Variants in ST13 observed in about 807,000 individuals in gnomAD.
The protein encoded by ST13 is hsc70-interacting protein.
A neutral mutation model predicts 56.7 loss-of-function variants in ST13; 23 were observed. The observed-to-expected ratio is 0.41, with a 90% confidence interval of 0.29 to 0.57. The LOEUF (loss-of-function observed/expected upper bound fraction) is 0.57, where lower values mean the gene tolerates loss of function less well. Among genes scored for constraint, ST13 ranks in the 20% least tolerant of loss-of-function variants. The pLI is 0.36. For missense variants in ST13, 369 were observed against 459.9 expected, an observed-to-expected ratio of 0.80 and a Z score of 1.81; for synonymous variants, 132 against 142.4, an observed-to-expected ratio of 0.93 and a Z score of 0.52.
At chr22:40,831,316 T>C (rs887910268) in intron 8 of ST13, among the ~76,000 whole-genome samples, 16 of 152,102 alleles carry the variant, frequency 1.1e-4, no homozygotes, top group Admixed American at 8.5e-4. Flanking sequence ...GTAGGAAGAG[T>C]ATTATTACGG....
chr22:40,851,646 A>C (rs1407141562), intron 1 of ST13, among the ~76,000 whole-genome samples: 1 of 152,230 alleles, frequency 6.6e-6, no homozygotes, highest in East Asian at 1.9e-4. Context: ...CAACAGTTGG[A>C]AGCAACGTAG....
At chr22:40,853,260 A>G (rs758800882) in intron 1 of ST13, among the ~76,000 whole-genome samples, 11 of 152,162 alleles carry the variant, frequency 7.2e-5, no homozygotes, top group Non-Finnish European at 1.0e-4. Flanking sequence ...GTTGGGGTAT[A>G]ATGTTGGCAG....
At chr22:40,838,891 G>A (rs920226333) in intron 5 of ST13, among the ~76,000 whole-genome samples, 1 of 145,090 alleles carries the variant, frequency 6.9e-6, no homozygotes, top group Admixed American at 7.2e-5. Context: ...AAGCTTTCCA[G>A]AGAAACAGTA....
intron 5 of ST13, among the ~76,000 whole-genome samples, chr22:40,836,168 T>A (rs1323562382): frequency 6.7e-6 from 1 of 148,530 alleles, no homozygotes; most frequent in Non-Finnish European, 1.5e-5. Flanking sequence ...AAGGAAAAAG[T>A]AGACGGGCAC....
chr22:40,843,866 T>C (rs935478640), intron 4 of ST13, among the ~76,000 whole-genome samples: 48 of 150,134 alleles, frequency 3.2e-4, no homozygotes, highest in Admixed American at 2.3e-3. Context: ...TCAGCCTCAT[T>C]AGGAATCAGG....
chr22:40,825,796 G>A lies in ST13; in HGVS notation c.*742C>T, dbSNP rs916837542. The A allele has an allele frequency of 2.0e-5, 3 of 152,148 alleles. No individual in the cohort carries two copies. The highest frequency in any genetic ancestry group is 7.3e-5 in the African/African-American group (3 of 41,370). The allele number at this position is 152,148 out of a possible 1,614,324, so 9.4% of individuals were successfully genotyped here. On this transcript the variant is annotated 3_prime_UTR_variant, in exon 12 of 12. Transcript: ENST00000216218. ...AAAAGTACTACCTTATTTCCCTTACGTGGAAATAATATGAAAAACACTTAT... is the reference window on the plus strand; with the variant it reads ...AAAAGTACTACCTTATTTCCCTTACATGGAAATAATATGAAAAACACTTAT...
At chr22:40,841,977 C>T (rs1035019428) in intron 4 of ST13, among the ~76,000 whole-genome samples, 29 of 152,296 alleles carry the variant, frequency 1.9e-4, no homozygotes, top group African/African-American at 6.7e-4. Context: ...TAACCAGACA[C>T]CTTCCAAAAT....
At chr22:40,827,829 T>TA (rs1156822885) in intron 10 of ST13, among the ~76,000 whole-genome samples, 1 of 152,088 alleles carries the variant, frequency 6.6e-6, no homozygotes, top group African/African-American at 2.4e-5. Context: ...ATAACACTGT[T>TA]AAAAAAGACT....
chr22:40,844,946 C>A, intron 3 of ST13, 37 bp from the exon 4 acceptor site: 1 of 1,494,710 alleles, frequency 6.7e-7, no homozygotes, highest in East Asian at 2.3e-5. Context: ...AGACCTGCAC[C>A]GTACAATATA....
chr22:40,837,738 C>T (rs1301198161), intron 5 of ST13, among the ~76,000 whole-genome samples: 1 of 152,124 alleles, frequency 6.6e-6, no homozygotes, highest in Non-Finnish European at 1.5e-5. Flanking sequence ...CTCAAAGGAT[C>T]CTCCCAGCCT....
At chr22:40,840,242 T>A (rs1213234783) in intron 5 of ST13, among the ~76,000 whole-genome samples, 1 of 152,142 alleles carries the variant, frequency 6.6e-6, no homozygotes, top group East Asian at 1.9e-4. Flanking sequence ...GAATCTAACA[T>A]GCTCTGACTA....
intron 4 of ST13, among the ~76,000 whole-genome samples, chr22:40,842,937 TCTA>T (rs1410409479): frequency 6.6e-6 from 1 of 152,132 alleles, no homozygotes; most frequent in Non-Finnish European, 1.5e-5. Context: ...AGATTTTGTC[TCTA>T]CTAAGAATTT....
intron 4 of ST13, among the ~76,000 whole-genome samples, chr22:40,842,057 T>G (rs1324344004): frequency 2.0e-5 from 3 of 152,026 alleles, no homozygotes; most frequent in Non-Finnish European, 2.9e-5. Context: ...AAACGGACAG[T>G]TGAGTAGTGA....
At chr22:40,848,985 C>T (rs927216425) in intron 2 of ST13, among the ~76,000 whole-genome samples, 2 of 152,166 alleles carry the variant, frequency 1.3e-5, no homozygotes, top group Non-Finnish European at 1.5e-5. Flanking sequence ...TCTTCCCATC[C>T]TATAAATAAC....
chr22:40,834,149 C>T lies in ST13; in HGVS notation c.578+1411G>A, dbSNP rs560841749. ...AACATTAGCTGGGCATGGTGGGGCG[C>T]GACTGTAAGTAATCCCAGCTACTCA... On this transcript the variant is annotated intron_variant, in intron 7 of 11. Coordinates refer to ENST00000216218, the MANE Select transcript of ST13 (RefSeq NM_003932.5). Among the ~76,000 whole-genome samples, 67 of 151,908 alleles carry T rather than the reference C, an allele frequency of 4.4e-4. No individual in the cohort carries two copies. The South Asian group carries it at 0.014, about 31-fold the overall frequency.
chr22:40,849,105 C>T (rs1204039792), intron 2 of ST13, among the ~76,000 whole-genome samples: 1 of 152,124 alleles, frequency 6.6e-6, no homozygotes, highest in Non-Finnish European at 1.5e-5. Flanking sequence ...AAATTATATA[C>T]CATTATCAGC....
intron 4 of ST13, among the ~76,000 whole-genome samples, chr22:40,841,971 C>G (rs2057806811): frequency 6.6e-6 from 1 of 152,158 alleles, no homozygotes; most frequent in Non-Finnish European, 1.5e-5. Context: ...GTGGTCTAAC[C>G]AGACACCTTC....
At chr22:40,831,032 A>G in intron 8 of ST13, 76 bp from the exon 9 acceptor site, 1 of 950,180 alleles carries the variant, frequency 1.1e-6, no homozygotes, top group Non-Finnish European at 1.6e-6. Flanking sequence ...CTTTGTAGAG[A>G]GATGTTTAAT....
intron 3 of ST13, among the ~76,000 whole-genome samples, chr22:40,845,245 C>T (rs1294174672): frequency 2.0e-5 from 3 of 152,144 alleles, no homozygotes; most frequent in Non-Finnish European, 2.9e-5. Context: ...TTTTTTTCTA[C>T]ACACTGATGT....
Sources: allele counts gnomAD v4.1 joint callset (sites outside exome capture counted in the v4.1 genomes callset), GRCh38; gene constraint gnomAD v4.1.1; transcripts MANE v1.5; gene names NCBI Gene and HGNC (gene_info 2026-07-23, HGNC 2026-07-21).